The following CECR2 variants were observed in gnomAD, a reference collection of about 807,000 sequenced individuals.
CECR2 encodes chromatin remodeling regulator CECR2.
A neutral mutation model predicts 154.5 loss-of-function variants in CECR2; 30 were observed. The ratio of observed to expected loss-of-function variants is 0.19; its 90% CI spans 0.15 to 0.26. CECR2 has a LOEUF of 0.26. Among genes scored for constraint, CECR2 ranks in the 10% least tolerant of loss-of-function variants. The probability of loss-of-function intolerance (pLI) is 1.00; values close to 1 mark genes in which losing one functional copy is unlikely to be tolerated. For missense variants in CECR2, 1,743 were observed against 1,829.3 expected, an observed-to-expected ratio of 0.95 and a Z score of 0.86; for synonymous variants, 725 against 683.7, an observed-to-expected ratio of 1.06 and a Z score of -0.94.
intron 1 of CECR2, among the ~76,000 whole-genome samples, chr22:17,445,954 A>G (rs2054655251): frequency 6.6e-6 from 1 of 152,096 alleles, no homozygotes; most frequent in Admixed American, 6.6e-5. Context: ...CTGTTACACC[A>G]TGTTGGTTTT....
intron 1 of CECR2, among the ~76,000 whole-genome samples, chr22:17,363,820 A>C (rs2062988461): frequency 6.6e-6 from 1 of 152,144 alleles, no homozygotes; most frequent in Non-Finnish European, 1.5e-5. Flanking sequence ...TTTTTTGAAA[A>C]GATGAAGTTT....
chr22:17,370,634 C>T (rs537947572), intron 1 of CECR2, among the ~76,000 whole-genome samples: 9 of 152,122 alleles, frequency 5.9e-5, no homozygotes, highest in Non-Finnish European at 1.2e-4. Flanking sequence ...CCCGGGCGAG[C>T]GCGGAGGACG....
intron 1 of CECR2, among the ~76,000 whole-genome samples, chr22:17,469,300 G>A (rs4819592): frequency 0.38 from 57,594 of 151,584 alleles, 11,282 homozygotes; most frequent in East Asian, 0.58. Context: ...TAGTTTTCTA[G>A]TATTTGAATT....
intron 1 of CECR2, among the ~76,000 whole-genome samples, chr22:17,468,321 G>A (rs2055067651): frequency 6.6e-6 from 1 of 152,164 alleles, no homozygotes; most frequent in African/African-American, 2.4e-5. Context: ...TGTAATCTGT[G>A]TCTTGCTCTG....
intron 1 of CECR2, among the ~76,000 whole-genome samples, chr22:17,400,238 A>C (rs796633616): frequency 6.6e-6 from 1 of 152,242 alleles, no homozygotes; most frequent in African/African-American, 2.4e-5. Context: ...GTTTCAAAGT[A>C]ATCTTTAGGA....
intron 1 of CECR2, among the ~76,000 whole-genome samples, chr22:17,421,937 GTCTT>G (rs2054261245): frequency 6.7e-6 from 1 of 150,266 alleles, no homozygotes; most frequent in Non-Finnish European, 1.5e-5. Flanking sequence ...GTTGCAGAAA[GTCTT>G]TATTCTCCTT....
chr22:17,545,758 G>A (rs998911737), intron 16 of CECR2, among the ~76,000 whole-genome samples: 1 of 148,440 alleles, frequency 6.7e-6, no homozygotes. Context: ...CAGGAGAATC[G>A]CTTGAACCCG....
Position 17,548,764 on chromosome 22 carries a change from C to T in CECR2, c.3477C>T (p.Pro1159=). 2 of 1,613,792 alleles carry T rather than the reference C, an allele frequency of 1.2e-6. No homozygotes were observed. The highest frequency in any genetic ancestry group is 1.7e-6 in the Non-Finnish European group (2 of 1,179,852). The change falls in exon 17 of 19, where the codon CCC becomes CCT. Residue 1159 remains proline (P), a synonymous_variant. Coordinates refer to ENST00000262608, the MANE Select transcript of CECR2 (RefSeq NM_001290047.2). ...KSPASHPQHF[P]PRGFQSNHPH... ...CAGCATCCCATCCCCAGCATTTTCCCCCAAGGGGCTTTCAGTCTAACCACC... is the reference window on the plus strand; with the variant it reads ...CAGCATCCCATCCCCAGCATTTTCCTCCAAGGGGCTTTCAGTCTAACCACC...
intron 3 of CECR2, among the ~76,000 whole-genome samples, chr22:17,498,167 G>T (rs977364407): frequency 9.2e-5 from 14 of 152,264 alleles, no homozygotes; most frequent in Non-Finnish European, 1.6e-4. Flanking sequence ...AAGGCAGGCA[G>T]ATCACGAAGT....
intron 1 of CECR2, among the ~76,000 whole-genome samples, chr22:17,456,172 T>C (rs1044534261): frequency 6.6e-6 from 1 of 152,224 alleles, no homozygotes; most frequent in Non-Finnish European, 1.5e-5. Flanking sequence ...AGTCTACTGT[T>C]GTACCATTGA....
Position 17,497,513 on chromosome 22 carries a change from G to T in CECR2, c.332G>T (p.Arg111Leu). 6.2e-7 allele frequency: 1 copy of T among 1,613,928 alleles called. No homozygotes were observed. The highest frequency in any genetic ancestry group is 2.2e-5 in the East Asian group (1 of 44,882). ...GCCAGTTTCCAGGACCTGCCTCTTC[G>T]CACACGGGTGGAGATCCTGCACCGA... ...REASFQDLPL[R>L]TRVEILHRLC... is the part of the protein sequence containing the mutation. The change falls in exon 3 of 19, where the codon CGC becomes CTC. Residue 111 changes from arginine (R) to leucine (L), a missense_variant. By Grantham distance (102) the Arg-to-Leu change is moderately radical. Transcript: ENST00000262608.
intron 2 of CECR2, among the ~76,000 whole-genome samples, chr22:17,493,537 G>A (rs1159815389): frequency 6.6e-6 from 1 of 152,086 alleles, no homozygotes; most frequent in Non-Finnish European, 1.5e-5. Context: ...AGATTTCTAG[G>A]AGAAGGTTGA....
At chr22:17,487,213 G>C (rs1001009217) in intron 2 of CECR2, among the ~76,000 whole-genome samples, 2 of 152,050 alleles carry the variant, frequency 1.3e-5, no homozygotes, top group Non-Finnish European at 2.9e-5. Context: ...TGGGTTTTAT[G>C]GTCCTGTATC....
At chr22:17,398,496 T>C (rs1330308858) in intron 1 of CECR2, among the ~76,000 whole-genome samples, 2 of 152,162 alleles carry the variant, frequency 1.3e-5, no homozygotes, top group East Asian at 3.8e-4. Context: ...AGTTTTTGTC[T>C]GGGAGAAAAT....
intron 1 of CECR2, among the ~76,000 whole-genome samples, chr22:17,440,185 TG>T (rs2054563535): frequency 6.6e-6 from 1 of 151,814 alleles, no homozygotes. Context: ...ATAGTATGAT[TG>T]TTTTTTGAAT....
chr22:17,449,603 C>A (rs1333736214), intron 1 of CECR2, among the ~76,000 whole-genome samples: 1 of 149,132 alleles, frequency 6.7e-6, no homozygotes, highest in Non-Finnish European at 1.5e-5. Flanking sequence ...CATTCTCCTG[C>A]CTCAGCTTCC....
Position 17,545,875 on chromosome 22 carries a change from A to G in CECR2, c.2861-2273A>G, listed in dbSNP as rs148724176. On this transcript the variant is annotated intron_variant, in intron 16 of 18. Coordinates refer to ENST00000262608, the MANE Select transcript of CECR2 (RefSeq NM_001290047.2). ...AAAAAAAAAAGATAATAGATTCCAC[A>G]TTAAATTGATGGTAGGGTTAGAACT... Among the ~76,000 whole-genome samples the G allele has an allele frequency of 2.9e-3, 439 of 151,580 alleles. 4 individuals are homozygous for G. Among genetic ancestry groups the G allele is most frequent in the Non-Finnish European group, 2.7e-3 (186 of 67,888 alleles).
intron 2 of CECR2, among the ~76,000 whole-genome samples, chr22:17,491,520 A>G (rs1418877804): frequency 7.5e-6 from 1 of 133,656 alleles, no homozygotes; most frequent in African/African-American, 2.8e-5. Context: ...TAGGCACATG[A>G]ATTTGTTTTA....
chr22:17,375,544 G>T (rs531923026), intron 1 of CECR2, among the ~76,000 whole-genome samples: 1 of 152,302 alleles, frequency 6.6e-6, no homozygotes, highest in South Asian at 2.1e-4. Flanking sequence ...ATGTCAAAAG[G>T]CCCCAAGTAG....
Sources: gnomAD v4.1 joint callset for allele counts (sites outside exome capture counted in the v4.1 genomes callset) on GRCh38, gnomAD v4.1.1 for gene constraint, MANE v1.5 for transcripts, NCBI Gene and HGNC (gene_info 2026-07-23, HGNC 2026-07-21) for gene names.